DPCD: variants seen among roughly 807,000 people sequenced by gnomAD.
The protein encoded by DPCD is protein DPCD.
DPCD carries 20 observed loss-of-function variants against 26.4 expected under a neutral mutation model. The observed-to-expected ratio is 0.76, with a 90% CI of 0.53 to 1.10. DPCD has a LOEUF of 1.10. DPCD is among the 50% of genes least tolerant of loss of function. The pLI, the probability that DPCD is intolerant of heterozygous loss-of-function variation, is 0.00. For synonymous variants in DPCD, 97 were observed against 94.2 expected (o/e 1.03, Z -0.17); for missense variants, 202 against 253.9 (o/e 0.80, Z 1.39).
intron 2 of DPCD, among the ~76,000 whole-genome samples, chr10:101,595,963 G>A (rs781315087): frequency 3.9e-5 from 6 of 152,138 alleles, no homozygotes; most frequent in Non-Finnish European, 7.4e-5. Flanking sequence ...GAGAATAGCC[G>A]CAGCTCCTCA....
rs1191992196 is a variant in DPCD, at chr10:101,603,791, G to T, written c.404+2455G>T. Among the ~76,000 whole-genome samples the T allele has an allele frequency of 6.6e-6, 1 of 151,378 alleles. No individual in the cohort carries two copies. ...AAAAGAGATGGAGTCTTGCCCTATT[G>T]CCCAGGCTAGAGTCCACTTCTTGCA... On this transcript the variant is annotated intron_variant, in intron 4 of 5. Coordinates refer to ENST00000370151, the MANE Select transcript of DPCD (RefSeq NM_015448.3). The surrounding 1 kb of genome is among the most constrained non-coding windows in gnomAD (Gnocchi z 4.6).
At chr10:101,608,200 G>A (rs2063746266) in intron 4 of DPCD, among the ~76,000 whole-genome samples, 1 of 152,170 alleles carries the variant, frequency 6.6e-6, no homozygotes, top group Non-Finnish European at 1.5e-5. Context: ...GTAGGGACTT[G>A]GGGCCAGCCA....
chr10:101,589,745 G>A (rs2063572069), intron 1 of DPCD, among the ~76,000 whole-genome samples: 1 of 152,152 alleles, frequency 6.6e-6, no homozygotes. Context: ...TTAGCCAGGT[G>A]TGGTGGTGCG....
At chr10:101,589,469 A>ACAGTGGCTCACGCCC (rs2063561597) in intron 1 of DPCD, among the ~76,000 whole-genome samples, 1 of 152,260 alleles carries the variant, frequency 6.6e-6, no homozygotes, top group Admixed American at 6.5e-5. Context: ...AAGGTCAGGC[A>ACAGTGGCTCACGCCC]CAGTGGCTCA....
intron 4 of DPCD, among the ~76,000 whole-genome samples, chr10:101,604,038 G>A (rs1416628827): frequency 1.3e-5 from 2 of 152,190 alleles, no homozygotes; most frequent in Non-Finnish European, 2.9e-5. Context: ...TTACAAGCAT[G>A]AGCCACCACA....
chr10:101,592,696 G>A (rs954368202), intron 1 of DPCD, among the ~76,000 whole-genome samples: 4 of 151,152 alleles, frequency 2.6e-5, no homozygotes, highest in African/African-American at 7.3e-5. Flanking sequence ...CTCCAGCCTT[G>A]GCAACAGAGC....
intron 4 of DPCD, among the ~76,000 whole-genome samples, chr10:101,606,225 G>A (rs1387368815): frequency 3.3e-5 from 5 of 152,114 alleles, no homozygotes; most frequent in Admixed American, 6.5e-5. Flanking sequence ...GCAGTGGCAC[G>A]ATCTTGGCTC....
intron 4 of DPCD, chr10:101,605,211 A>C: frequency 1.3e-6 from 2 of 1,550,118 alleles, no homozygotes; most frequent in Non-Finnish European, 1.7e-6. Flanking sequence ...ACCCCCTCTG[A>C]GGTATGTGAG....
intron 2 of DPCD, among the ~76,000 whole-genome samples, chr10:101,596,927 A>C (rs1483277848): frequency 6.6e-6 from 1 of 152,192 alleles, no homozygotes; most frequent in Non-Finnish European, 1.5e-5. Flanking sequence ...AAGAATTGCC[A>C]ATAGGTGTGC....
chr10:101,589,541 G>C (rs1549069), intron 1 of DPCD, among the ~76,000 whole-genome samples: 5,979 of 152,208 alleles, frequency 0.039, 373 homozygotes, highest in African/African-American at 0.13. Flanking sequence ...TCAGGAGTTC[G>C]AGACCAGCTT....
Position 101,605,345 on chromosome 10 carries a change from A to G in DPCD, c.405-3490A>G, listed in dbSNP as rs916984067. The G allele has an allele frequency of 2.2e-6, 3 of 1,360,156 alleles. No individual in the cohort carries two copies. In the African/African-American group the frequency reaches 4.4e-5, roughly 20 times the overall value. The allele number at this position is 1,360,156 out of a possible 1,614,324, so 84.3% of individuals were successfully genotyped here. The stretch of plus-strand genomic sequence containing the variant: ...TGAAAGGCTGGATTGGGGAGGGGAT[A>G]CAGTAGAGAGTGGTGGGAGGCAATA... On this transcript the variant is annotated intron_variant, in intron 4 of 5. Coordinates refer to ENST00000370151, the MANE Select transcript of DPCD (RefSeq NM_015448.3).
intron 4 of DPCD, among the ~76,000 whole-genome samples, chr10:101,608,024 C>A (rs1001707301): frequency 6.6e-6 from 1 of 152,138 alleles, no homozygotes; most frequent in Non-Finnish European, 1.5e-5. Flanking sequence ...GCCCGAGTTC[C>A]CTTTTAGGTA....
At chr10:101,589,069 T>C (rs905498760) in intron 1 of DPCD, among the ~76,000 whole-genome samples, 2 of 152,240 alleles carry the variant, frequency 1.3e-5, no homozygotes, top group Non-Finnish European at 2.9e-5. Context: ...CTTTGTGCAC[T>C]TGGGTCCTTT....
At chr10:101,607,417 A>G (rs981839482) in intron 4 of DPCD, among the ~76,000 whole-genome samples, 3 of 152,288 alleles carry the variant, frequency 2.0e-5, no homozygotes, top group African/African-American at 4.8e-5. Flanking sequence ...GCAACTTGCA[A>G]TGCCATTAGG....
chr10:101,589,063 G>C (rs1309838132), intron 1 of DPCD, among the ~76,000 whole-genome samples: 1 of 152,224 alleles, frequency 6.6e-6, no homozygotes, highest in Non-Finnish European at 1.5e-5. Flanking sequence ...CGGCCCCTTT[G>C]TGCACTTGGG....
intron 1 of DPCD, among the ~76,000 whole-genome samples, chr10:101,589,536 A>G (rs747634948): frequency 3.9e-4 from 60 of 152,152 alleles, no homozygotes; most frequent in Non-Finnish European, 7.2e-4. Flanking sequence ...TGAGCTCAGG[A>G]GTTCGAGACC....
chr10:101,601,175 G>C (rs1448008126), intron 3 of DPCD, 28 bp from the exon 4 acceptor site: 2 of 1,613,222 alleles, frequency 1.2e-6, no homozygotes, highest in Non-Finnish European at 1.7e-6. Context: ...CCCAGGAACA[G>C]TCCTCGAGTT....
At chr10:101,591,599 TG>T (rs2063608171) in intron 1 of DPCD, among the ~76,000 whole-genome samples, 1 of 152,296 alleles carries the variant, frequency 6.6e-6, no homozygotes, top group South Asian at 2.1e-4. Flanking sequence ...ATTTTACTTT[TG>T]TTTTTTTAAG....
chr10:101,608,752 AG>A, intron 4 of DPCD, 82 bp from the exon 5 acceptor site: 2 of 868,598 alleles, frequency 2.3e-6, no homozygotes. Flanking sequence ...AGAACTAGGT[AG>A]AAGCTAGGCA....
Sources: allele counts gnomAD v4.1 joint callset (sites outside exome capture counted in the v4.1 genomes callset), GRCh38; gene constraint gnomAD v4.1.1; non-coding constraint Gnocchi (gnomAD v3.1); transcripts MANE v1.5; gene names NCBI Gene and HGNC (gene_info 2026-07-23, HGNC 2026-07-21).